The following ARMC9 variants were observed in gnomAD, a reference collection of about 807,000 sequenced individuals.
The protein encoded by ARMC9 is armadillo repeat containing 9.
ARMC9 carries 94 observed loss-of-function variants against 107.0 expected under a neutral mutation model. That is an observed-to-expected ratio of 0.88 (90% CI 0.74 to 1.04). The LOEUF (loss-of-function observed/expected upper bound fraction) is 1.04. Among genes scored for constraint, ARMC9 ranks in the 50% least tolerant of loss-of-function variants. The pLI is 0.00. For missense variants in ARMC9, 942 were observed against 1,030.1 expected (o/e 0.91, Z 1.17); for synonymous variants, 380 against 396.9 (o/e 0.96, Z 0.51).
rs369631263 is a variant in ARMC9 at position 231,326,480 on chromosome 2, G to A, written c.1774-5313G>A. ...TGGAAAAGGCTCTGGATTGATCTGGGGCCTGCCTCTTATTCTGCTGGTTCA... is the reference window on the plus strand; with the variant it reads ...TGGAAAAGGCTCTGGATTGATCTGGAGCCTGCCTCTTATTCTGCTGGTTCA... On this transcript the variant is annotated intron_variant, in intron 19 of 24. Coordinates refer to ENST00000611582, the MANE Select transcript of ARMC9 (RefSeq NM_001352754.2). Among the ~76,000 whole-genome samples, 92 of 152,300 alleles carry A rather than the reference G, an allele frequency of 6.0e-4. 1 individual carries two copies. Among genetic ancestry groups the A allele is most frequent in the African/African-American group, 2.1e-3 (86 of 41,558 alleles).
At chr2:231,213,637 C>T (rs1016135160) in intron 3 of ARMC9, among the ~76,000 whole-genome samples, 6 of 151,876 alleles carry the variant, frequency 4.0e-5, no homozygotes, top group Non-Finnish European at 7.4e-5. Context: ...CCACCATGCC[C>T]GGCTAATTTT....
At chr2:231,284,856 CT>C (rs1410434879) in intron 17 of ARMC9, among the ~76,000 whole-genome samples, 1 of 152,150 alleles carries the variant, frequency 6.6e-6, no homozygotes, top group Non-Finnish European at 1.5e-5. Flanking sequence ...AGGGGCTATT[CT>C]TTTGAAAAAT....
intron 19 of ARMC9, among the ~76,000 whole-genome samples, chr2:231,296,851 A>G (rs1375695413): frequency 6.6e-6 from 1 of 152,210 alleles, no homozygotes; most frequent in Non-Finnish European, 1.5e-5. Context: ...TCAGATGACA[A>G]GATTTTACAT....
intron 24 of ARMC9, 33 bp downstream of exon 24, chr2:231,370,158 C>T: frequency 6.8e-7 from 1 of 1,477,434 alleles, no homozygotes; most frequent in Non-Finnish European, 9.0e-7. Context: ...GGCGTGGGAG[C>T]CTGGCCACCC....
Position 231,208,189 on chromosome 2 carries a change from A to G in ARMC9, c.114A>G (p.Lys38=), listed in dbSNP as rs770455971. Residue 38 remains lysine (K), a synonymous_variant, in exon 3 of 25, where the codon AAA becomes AAG. Transcript: ENST00000611582. ...CATTTTCAAAAGAATGCAAAATAAA[A>G]GGAAAACCATTGTGTAAAACAGTAG... ...LKTFSKECKI[K]GKPLCKTVGG... is the part of the protein sequence containing the mutation. The G allele has an allele frequency of 6.2e-7, 1 of 1,610,186 alleles. No individual in the cohort carries two copies.
Position 231,271,058 on chromosome 2 carries a change from C to T in ARMC9, c.1196C>T (p.Ala399Val), listed in dbSNP as rs200495416. The change falls in exon 13 of 25, where the codon GCG becomes GTG. Residue 399 changes from alanine (A) to valine (V), a missense_variant. Transcript: ENST00000611582. ...ATGGCCAGGCTCATCAATGCTTTTGCGTCACTGGCAGAAGGTGAGACATCA... is the reference window on the plus strand; with the variant it reads ...ATGGCCAGGCTCATCAATGCTTTTGTGTCACTGGCAGAAGGTGAGACATCA... ...QYMARLINAF[A>V]SLAEGRLYLA... is the part of the protein sequence containing the mutation. 89 of 1,613,974 alleles carry T rather than the reference C, an allele frequency of 5.5e-5. No homozygotes were observed. In the Middle Eastern group the frequency reaches 9.9e-4, roughly 18 times the overall value.
chr2:231,232,271 G>A (rs1431131744), intron 7 of ARMC9, among the ~76,000 whole-genome samples: 6 of 151,856 alleles, frequency 4.0e-5, no homozygotes, highest in East Asian at 1.9e-4. Flanking sequence ...TGATCCACCC[G>A]CCTCGGCCTC....
intron 9 of ARMC9, among the ~76,000 whole-genome samples, chr2:231,247,391 C>A (rs1208609504): frequency 2.0e-5 from 3 of 152,230 alleles, no homozygotes; most frequent in Non-Finnish European, 4.4e-5. Context: ...CAGCTTCCTG[C>A]TATGTGGCTT....
At position 231,375,008 on chromosome 2, in the gene ARMC9, T is replaced by C. The variant is rs923950101; in HGVS notation, c.*3473T>C. ...CTAGCTTTATCTCTCCAGATACTAT[T>C]TGGGGTGTGCTGTTCTAAGAAGTGA... On this transcript the variant is annotated 3_prime_UTR_variant, in exon 25 of 25. Coordinates refer to ENST00000611582, the MANE Select transcript of ARMC9 (RefSeq NM_001352754.2). The surrounding 1 kb of genome is among the most constrained non-coding windows in gnomAD (Gnocchi z 4.3). 3.9e-5 allele frequency among the ~76,000 whole-genome samples: 6 copies of C among 152,322 alleles called. No individual in the cohort carries two copies. The highest frequency in any genetic ancestry group is 1.4e-4 in the African/African-American group (6 of 41,570).
At chr2:231,199,324 A>G (rs2030345397) in intron 1 of ARMC9, among the ~76,000 whole-genome samples, 2 of 152,220 alleles carry the variant, frequency 1.3e-5, no homozygotes, top group East Asian at 3.8e-4. Flanking sequence ...TCACTCAGGG[A>G]GCTTGTTTAA....
chr2:231,218,617 G>T (rs916962387), intron 5 of ARMC9, among the ~76,000 whole-genome samples: 3 of 152,252 alleles, frequency 2.0e-5, no homozygotes, highest in African/African-American at 7.2e-5. Context: ...TTCAGCTTCT[G>T]GTGGTTTAAG....
intron 4 of ARMC9, chr2:231,215,262 A>C: frequency 5.3e-6 from 2 of 377,902 alleles, no homozygotes; most frequent in Non-Finnish European, 9.4e-6. Flanking sequence ...CATCAAAATA[A>C]AGTTTATTTG....
At chr2:231,265,508 A>G (rs910332405) in intron 12 of ARMC9, among the ~76,000 whole-genome samples, 4 of 152,204 alleles carry the variant, frequency 2.6e-5, no homozygotes, top group African/African-American at 9.7e-5. Flanking sequence ...AAAATCAAAT[A>G]TCATATGTTC....
chr2:231,371,517 C>T lies in ARMC9; in HGVS notation c.2439C>T (p.Ser813=), dbSNP rs769785205. The change falls in exon 25 of 25, where the codon AGC becomes AGT. Residue 813 remains serine, a synonymous_variant. Coordinates refer to ENST00000611582, the MANE Select transcript of ARMC9 (RefSeq NM_001352754.2). ...TASSTRGLPS[S]QSHRK ...TGCTCTGGCTTTTCTCTCCAGGCAG[C>T]CAGTCTCACAGGAAGTAAGGATGTC... The T allele has an allele frequency of 8.1e-6, 10 of 1,238,458 alleles. No individual in the cohort carries two copies. Among genetic ancestry groups the T allele is most frequent in the Non-Finnish European group, 1.0e-5 (10 of 990,866 alleles). 76.7% of individuals were successfully genotyped at this position (1,238,458 alleles called of 1,614,324 possible). A position where few individuals can be genotyped will look rare whatever the true frequency, so the allele number is the denominator to read the frequency against.
In ARMC9 at chr2:231,331,865, G is replaced by A; in HGVS notation, c.1846G>A (p.Gly616Arg). The A allele has an allele frequency of 6.2e-7, 1 of 1,613,938 alleles. No homozygotes were observed. The highest frequency in any genetic ancestry group is 8.5e-7 in the Non-Finnish European group (1 of 1,179,858). ...LIQPQLGELS[G>R]EKLLTTEYLG... is the part of the protein sequence containing the mutation. ...CCAGCCCCAGCTCGGAGAACTCTCA[G>A]GAGAGAAGCTTCTGACCACGGAGTA... The change falls in exon 20 of 25, where the codon GGA (glycine) becomes AGA (arginine). Residue 616 changes from glycine to arginine, a missense_variant. Physicochemically the swap from Gly to Arg is moderately radical, Grantham distance 125 (BLOSUM62 -2). Transcript: ENST00000611582.
chr2:231,370,224 G>A, intron 24 of ARMC9, 99 bp downstream of exon 24: 3 of 1,325,150 alleles, frequency 2.3e-6, no homozygotes, highest in Non-Finnish European at 3.0e-6. Context: ...GCTCCTGTGT[G>A]TACCAGGCCA....
At chr2:231,284,786 G>A (rs561505935) in intron 17 of ARMC9, among the ~76,000 whole-genome samples, 2 of 152,158 alleles carry the variant, frequency 1.3e-5, no homozygotes, top group Non-Finnish European at 2.9e-5. Flanking sequence ...GCCACCTTGG[G>A]GCTGGCTGCC....
chr2:231,225,860 T>G (rs893069459), intron 6 of ARMC9, among the ~76,000 whole-genome samples: 6 of 152,114 alleles, frequency 3.9e-5, no homozygotes, highest in African/African-American at 1.4e-4. Context: ...TGATTGATGA[T>G]TGATTGATTG....
intron 19 of ARMC9, among the ~76,000 whole-genome samples, chr2:231,298,701 CTT>C (rs2041533132): frequency 6.6e-6 from 1 of 152,178 alleles, no homozygotes; most frequent in African/African-American, 2.4e-5. Flanking sequence ...AATCTCAACA[CTT>C]TGGGAGGCCG....
Sources: allele counts gnomAD v4.1 joint callset (sites outside exome capture counted in the v4.1 genomes callset), GRCh38; gene constraint gnomAD v4.1.1; non-coding constraint Gnocchi (gnomAD v3.1); transcripts MANE v1.5; gene names NCBI Gene and HGNC (gene_info 2026-07-23, HGNC 2026-07-21).